The following PDE9A variants were observed in gnomAD, a reference collection of about 807,000 sequenced individuals.
PDE9A encodes high affinity cGMP-specific 3',5'-cyclic phosphodiesterase 9A.
PDE9A carries 60 observed loss-of-function variants against 87.4 expected under a neutral mutation model. The ratio of observed to expected loss-of-function variants is 0.69; its 90% CI spans 0.56 to 0.85. PDE9A has a LOEUF of 0.85. Among genes scored for constraint, PDE9A ranks in the 40% least tolerant of loss-of-function variants. PDE9A has a pLI of 0.00. For synonymous variants in PDE9A, 272 were observed against 279.4 expected, an observed-to-expected ratio of 0.97 and a Z score of 0.27; for missense variants, 665 against 779.0, an observed-to-expected ratio of 0.85 and a Z score of 1.74.
intron 3 of PDE9A, chr21:42,689,496 C>G (rs1004257269): frequency 1.0e-6 from 1 of 978,738 alleles, no homozygotes; most frequent in East Asian, 1.1e-4. Flanking sequence ...CCTCCTGACA[C>G]CCACAAGACT....
chr21:42,769,873 C>A (rs6586346), intron 17 of PDE9A, among the ~76,000 whole-genome samples: 72,385 of 151,806 alleles, frequency 0.48, 18,055 homozygotes, highest in African/African-American at 0.63. Context: ...AGAGCCTGCT[C>A]CCCACAGCCT....
At chr21:42,691,109 A>G (rs892954466) in intron 3 of PDE9A, among the ~76,000 whole-genome samples, 3 of 150,414 alleles carry the variant, frequency 2.0e-5, no homozygotes, top group African/African-American at 7.4e-5. Flanking sequence ...TCACCATCCA[A>G]AGTCACCCAG....
rs576711945 is a variant in PDE9A, at chr21:42,702,806, G to A, written c.262+3795G>A. Among the ~76,000 whole-genome samples the A allele has an allele frequency of 3.9e-5, 6 of 152,390 alleles. No individual in the cohort carries two copies. Among genetic ancestry groups the A allele is most frequent in the African/African-American group, 1.4e-4 (6 of 41,602 alleles). The stretch of plus-strand genomic sequence containing the variant: ...GCTGTTTAGAGTGCAAATGTTTGGA[G>A]ATGAGAATGAAAGCGCCAGGGCCTT... On this transcript the variant is annotated intron_variant, in intron 4 of 19. Coordinates refer to ENST00000291539, the MANE Select transcript of PDE9A (RefSeq NM_002606.3). This position sits in a 1 kb window ranked among gnomAD's most constrained non-coding sequence, Gnocchi z 4.9.
intron 4 of PDE9A, among the ~76,000 whole-genome samples, chr21:42,715,983 A>C (rs1602230888): frequency 6.6e-6 from 1 of 151,898 alleles, no homozygotes; most frequent in South Asian, 2.1e-4. Flanking sequence ...AGAATGTCAC[A>C]TAGTTGGAGT....
intron 7 of PDE9A, 59 bp downstream of exon 7, chr21:42,733,485 A>G: frequency 4.2e-6 from 4 of 957,840 alleles, no homozygotes; most frequent in Non-Finnish European, 1.7e-6. Context: ...ATTCAAATTA[A>G]CCACTTGGAA....
At chr21:42,769,778 G>A (rs1569280913) in intron 17 of PDE9A, among the ~76,000 whole-genome samples, 2 of 108,170 alleles carry the variant, frequency 1.8e-5, no homozygotes, top group East Asian at 5.1e-4. Flanking sequence ...ACGCACACAG[G>A]TACACACAGG....
At chr21:42,709,086 A>T (rs1429726110) in intron 4 of PDE9A, among the ~76,000 whole-genome samples, 1 of 152,236 alleles carries the variant, frequency 6.6e-6, no homozygotes, top group African/African-American at 2.4e-5. Context: ...GATAAAGAAA[A>T]TGTGGTACAT....
rs2146300032 is a variant in PDE9A at position 42,696,915 on chromosome 21, G to A, written c.219-2053G>A. Among the ~76,000 whole-genome samples, 1 of 152,292 alleles carries A rather than the reference G, an allele frequency of 6.6e-6. No individual in the cohort carries two copies. Among genetic ancestry groups the A allele is most frequent in the East Asian group, 1.9e-4 (1 of 5,162 alleles). On this transcript the variant is annotated intron_variant, in intron 3 of 19. Transcript: ENST00000291539. The surrounding 1 kb of genome is among the most constrained non-coding windows in gnomAD (Gnocchi z 5.1). The stretch of plus-strand genomic sequence containing the variant: ...TGGGGAGCTTGGAGGACTTTGCTCT[G>A]CACTTAGGGCCACGCTTCAAGCCCA...
intron 9 of PDE9A, among the ~76,000 whole-genome samples, chr21:42,752,334 T>C (rs56263125): frequency 0.049 from 7,459 of 152,094 alleles, 212 homozygotes; most frequent in Middle Eastern, 0.068. Flanking sequence ...TGCAATGGCA[T>C]GATCTCAGCT....
At chr21:42,710,332 C>T (rs2049206650) in intron 4 of PDE9A, among the ~76,000 whole-genome samples, 1 of 150,454 alleles carries the variant, frequency 6.6e-6, no homozygotes, top group Non-Finnish European at 1.5e-5. Flanking sequence ...TCTCTTGAAC[C>T]TGGGAGGAGG....
intron 1 of PDE9A, among the ~76,000 whole-genome samples, chr21:42,664,371 T>C (rs7275379): frequency 0.47 from 70,980 of 152,072 alleles, 19,988 homozygotes; most frequent in African/African-American, 0.8. Context: ...TGGCAGCCGC[T>C]CCTGATGGTG....
intron 16 of PDE9A, 22 bp downstream of exon 16, chr21:42,768,314 C>A: frequency 7.1e-7 from 1 of 1,416,068 alleles, no homozygotes; most frequent in Non-Finnish European, 1.0e-6. Flanking sequence ...GCAGAGCAAT[C>A]AAGCCTCCAG....
rs1037811071 is a variant in PDE9A, at chr21:42,660,484, G to C, written c.69+6601G>C. ...TGAGAAGAAAATGTTCTAAGAAAGT[G>C]CACAGGGTGGTGGATGAAAGACCAC... On this transcript the variant is annotated intron_variant, in intron 1 of 19. Transcript: ENST00000291539. This position sits in a 1 kb window ranked among gnomAD's most constrained non-coding sequence, Gnocchi z 4.7. 6.6e-6 allele frequency among the ~76,000 whole-genome samples: 1 copy of C among 152,100 alleles called. No individual in the cohort carries two copies. Among genetic ancestry groups the C allele is most frequent in the Non-Finnish European group, 1.5e-5 (1 of 68,030 alleles).
Position 42,760,070 on chromosome 21 carries a change from G to T in PDE9A, c.898-258G>T, listed in dbSNP as rs1282904992. ...CACCTCCGGGGAGACCCCAGTCCTTGACTGCAGGGTGAAACCCCTGGTGGG... is the reference window on the plus strand; with the variant it reads ...CACCTCCGGGGAGACCCCAGTCCTTTACTGCAGGGTGAAACCCCTGGTGGG... On this transcript the variant is annotated intron_variant, in intron 11 of 19. Transcript: ENST00000291539. This position sits in a 1 kb window ranked among gnomAD's most constrained non-coding sequence, Gnocchi z 5.2. Among the ~76,000 whole-genome samples the T allele has an allele frequency of 6.6e-6, 1 of 151,908 alleles. No homozygotes were observed. The highest frequency in any genetic ancestry group is 2.4e-5 in the African/African-American group (1 of 41,334).
At position 42,775,341 on chromosome 21, in the gene PDE9A, C is replaced by T. The variant is rs368395492; in HGVS notation, c.*48C>T. On this transcript the variant is annotated 3_prime_UTR_variant, in exon 20 of 20. Coordinates refer to ENST00000291539, the MANE Select transcript of PDE9A (RefSeq NM_002606.3). ...AGTTCTGGACGGGCTGGCCGAGCTG[C>T]GCGGGATCCTTGTGCAGGGAAGAGC... 44 of 1,591,992 alleles carry T rather than the reference C, an allele frequency of 2.8e-5. 1 individual carries two copies. In the African/African-American group the frequency reaches 3.1e-4, roughly 11 times the overall value.
chr21:42,696,208 C>A lies in PDE9A; in HGVS notation c.219-2760C>A, dbSNP rs562405031. ...TGGTAAGCCTGTTTTTGTGTCAGGT[C>A]CCCAGGACACCTTCCTCTGAGTCTC... is the stretch of plus-strand genomic sequence containing the variant. On this transcript the variant is annotated intron_variant, in intron 3 of 19. Transcript: ENST00000291539. The surrounding 1 kb of genome is among the most constrained non-coding windows in gnomAD (Gnocchi z 5.1). Among the ~76,000 whole-genome samples, 1 of 152,142 alleles carries A rather than the reference C, an allele frequency of 6.6e-6. No individual in the cohort carries two copies. The highest frequency in any genetic ancestry group is 6.5e-5 in the Admixed American group (1 of 15,286).
rs752952118 is a variant in PDE9A at position 42,731,765 on chromosome 21, T to G, written c.263-5T>G. ...TGGAAACCCAGTCCTGCCTGCTTTT[T>G]ATAGCTGGTGTCGAGGACAAGAGAA... On this transcript the variant is annotated splice_polypyrimidine_tract_variant and splice_region_variant and intron_variant, in intron 4 of 19. Coordinates refer to ENST00000291539, the MANE Select transcript of PDE9A (RefSeq NM_002606.3). 6.2e-7 allele frequency: 1 copy of G among 1,610,058 alleles called. No homozygotes were observed. The highest frequency in any genetic ancestry group is 8.5e-7 in the Non-Finnish European group (1 of 1,178,460).
chr21:42,673,097 G>A (rs1031859890), intron 1 of PDE9A, among the ~76,000 whole-genome samples: 14 of 152,132 alleles, frequency 9.2e-5, no homozygotes, highest in African/African-American at 2.7e-4. Flanking sequence ...TCTGCATGAC[G>A]AATCCTCCTA....
At chr21:42,761,810 C>T (rs1180656897) in intron 13 of PDE9A, among the ~76,000 whole-genome samples, 1 of 152,188 alleles carries the variant, frequency 6.6e-6, no homozygotes, top group African/African-American at 2.4e-5. Context: ...CACAAGAGGC[C>T]GTGATGCCTC....
Sources: gnomAD v4.1 joint callset for allele counts (sites outside exome capture counted in the v4.1 genomes callset) on GRCh38, gnomAD v4.1.1 for gene constraint, Gnocchi (gnomAD v3.1) non-coding constraint, MANE v1.5 for transcripts, NCBI Gene and HGNC (gene_info 2026-07-23, HGNC 2026-07-21) for gene names.